ZFAT: variants seen among roughly 807,000 people sequenced by gnomAD.
ZFAT encodes the protein zinc finger protein ZFAT.
A neutral mutation model predicts 117.7 loss-of-function variants in ZFAT; 64 were observed. The ratio of observed to expected loss-of-function variants is 0.54; its 90% CI spans 0.44 to 0.67. The LOEUF is 0.67. Among genes scored for constraint, ZFAT ranks in the 30% least tolerant of loss-of-function variants. The probability of loss-of-function intolerance (pLI) is 0.00; values close to 1 mark genes in which losing one functional copy is unlikely to be tolerated. For synonymous variants in ZFAT, 679 were observed against 615.0 expected (o/e 1.10, Z -1.54); for missense variants, 1,433 against 1,584.5 (o/e 0.90, Z 1.62).
the ZFAT span, among the ~76,000 whole-genome samples, chr8:134,799,307 C>T: frequency 6.6e-6 from 1 of 152,208 alleles, no homozygotes; most frequent in Admixed American, 6.6e-5. Flanking sequence ...AGACACTTGC[C>T]AAGCTGCTAG....
chr8:134,724,852 C>A, the ZFAT span, among the ~76,000 whole-genome samples: 2 of 152,164 alleles, frequency 1.3e-5, no homozygotes, highest in Non-Finnish European at 2.9e-5. Flanking sequence ...CCACACTCCC[C>A]AGTTAAAGCG....
At chr8:134,660,313 T>C (rs970245017) in intron 1 of ZFAT, among the ~76,000 whole-genome samples, 4 of 152,184 alleles carry the variant, frequency 2.6e-5, no homozygotes, top group Non-Finnish European at 5.9e-5. Context: ...ATGAGCTGAG[T>C]TCCTCCAAGT....
At chr8:134,769,369 C>T in the ZFAT span, among the ~76,000 whole-genome samples, 1 of 152,338 alleles carries the variant, frequency 6.6e-6, no homozygotes, top group South Asian at 2.1e-4. Context: ...AGGCCCCATG[C>T]AAGTCTGAAA....
rs771524697 is a variant in ZFAT at position 134,588,370 on chromosome 8, C to G, written c.2589G>C (p.Glu863Asp). ...TCAGCTGAACCCTCCTCCCGAGAAC[C>G]TCAGAAATGGTGCTCATGGAGACCT... Reference protein sequence around the residue: ...HPEVSMSTISEVLGRRVQLKG... With the variant: ...HPEVSMSTISDVLGRRVQLKG... Residue 863 changes from glutamate to aspartate, a missense_variant, in exon 9 of 16, where the codon GAG becomes GAC. Physicochemically the swap from Glu to Asp is conservative, Grantham distance 45 (BLOSUM62 2). This residue lies in a region of ZFAT where 503 missense variants were observed against 543.4 expected (regional missense o/e 0.93). Transcript: ENST00000377838. 3.8e-6 allele frequency: 6 copies of G among 1,592,930 alleles called. No homozygotes were observed. The South Asian group carries it at 6.9e-5, about 18-fold the overall frequency.
intron 5 of ZFAT, among the ~76,000 whole-genome samples, chr8:134,607,549 C>T (rs1827982693): frequency 1.3e-5 from 2 of 152,252 alleles, no homozygotes; most frequent in Non-Finnish European, 2.9e-5. Flanking sequence ...GGGGCTGCAA[C>T]TGTCTGATTC....
intron 13 of ZFAT, among the ~76,000 whole-genome samples, chr8:134,513,815 A>G (rs767366905): frequency 2.8e-4 from 42 of 152,230 alleles, no homozygotes; most frequent in Non-Finnish European, 4.6e-4. Flanking sequence ...TCAGAATAGC[A>G]TATAATATTC....
chr8:134,794,248 T>C, the ZFAT span: 1 of 152,262 alleles, frequency 6.6e-6, no homozygotes, highest in African/African-American at 2.4e-5. Context: ...ATATTTACTG[T>C]AAATATCAGT....
intron 13 of ZFAT, among the ~76,000 whole-genome samples, chr8:134,519,535 G>T (rs926611873): frequency 3.9e-5 from 6 of 152,148 alleles, no homozygotes; most frequent in South Asian, 2.1e-4. Context: ...ACTAACTGTT[G>T]TATGTTGATA....
At chr8:134,667,842 G>A (rs1832315308) in intron 1 of ZFAT, among the ~76,000 whole-genome samples, 1 of 152,144 alleles carries the variant, frequency 6.6e-6, no homozygotes. Context: ...AGGGGTCAGG[G>A]AATTCACTTT....
At chr8:134,534,775 AAG>A (rs36097833) in intron 11 of ZFAT, among the ~76,000 whole-genome samples, 208 of 136,414 alleles carry the variant, frequency 1.5e-3, no homozygotes, top group Non-Finnish European at 2.3e-3. Context: ...GAGAGGGAGA[AAG>A]AGAGAGAGAG....
At chr8:134,535,503 C>T (rs1821768043) in intron 11 of ZFAT, among the ~76,000 whole-genome samples, 3 of 132,364 alleles carry the variant, frequency 2.3e-5, no homozygotes, top group African/African-American at 5.7e-5. Context: ...CTCCCCCTCC[C>T]TCTCCCTCCC....
intron 9 of ZFAT, among the ~76,000 whole-genome samples, chr8:134,585,179 T>G (rs1448613399): frequency 2.6e-5 from 4 of 152,132 alleles, no homozygotes; most frequent in Non-Finnish European, 4.4e-5. Context: ...GGTTGGTCAT[T>G]TACAACACAC....
intron 5 of ZFAT, among the ~76,000 whole-genome samples, chr8:134,606,062 G>A (rs1427732542): frequency 6.6e-6 from 1 of 152,220 alleles, no homozygotes; most frequent in African/African-American, 2.4e-5. Context: ...AACTAAGCAA[G>A]AGGGAGGAAA....
chr8:134,744,424 T>G, the ZFAT span, among the ~76,000 whole-genome samples: 1 of 151,178 alleles, frequency 6.6e-6, no homozygotes, highest in Non-Finnish European at 1.5e-5. Flanking sequence ...GCCTCCTGAG[T>G]AGATGGAATT....
chr8:134,712,387 T>G (rs1015666898), intron 1 of ZFAT, among the ~76,000 whole-genome samples: 7 of 152,150 alleles, frequency 4.6e-5, no homozygotes, highest in African/African-American at 1.7e-4. Context: ...AAGTGGAAGA[T>G]CTGTCACTCT....
intron 13 of ZFAT, among the ~76,000 whole-genome samples, chr8:134,519,738 C>G (rs1820511579): frequency 6.6e-6 from 1 of 152,210 alleles, no homozygotes; most frequent in South Asian, 2.1e-4. Context: ...AGCAGAGCCA[C>G]CGGGCACTCT....
At chr8:134,713,397 C>T (rs988112446), upstream of ZFAT, among the ~76,000 whole-genome samples, 3 of 152,208 alleles carry the variant, frequency 2.0e-5, no homozygotes, top group African/African-American at 7.2e-5. Flanking sequence ...TAACTTGGGG[C>T]AGCGAATTAA....
the ZFAT span, among the ~76,000 whole-genome samples, chr8:134,805,419 T>G: frequency 1.9e-3 from 291 of 152,328 alleles, 3 homozygotes; most frequent in African/African-American, 6.6e-3. Flanking sequence ...TGGGTTTTCC[T>G]GGCAGAGGAT....
chr8:134,574,432 C>G (rs1028238093), intron 10 of ZFAT, among the ~76,000 whole-genome samples: 6 of 151,874 alleles, frequency 4.0e-5, no homozygotes, highest in Non-Finnish European at 5.9e-5. Flanking sequence ...CTGTTGTTCC[C>G]TTTGTTTCTT....
Sources: gnomAD v4.1 joint callset for allele counts (sites outside exome capture counted in the v4.1 genomes callset) on GRCh38, gnomAD v4.1.1 for gene constraint, gnomAD v4.1.1 regional missense constraint, MANE v1.5 for transcripts, NCBI Gene and HGNC (gene_info 2026-07-23, HGNC 2026-07-21) for gene names.